RIT2: variants seen among roughly 807,000 people sequenced by gnomAD.
The protein encoded by RIT2 is GTP-binding protein Rit2.
In RIT2, 24 loss-of-function variants were observed where a neutral mutation model predicts 23.7. The ratio of observed to expected loss-of-function variants is 1.01; its 90% confidence interval spans 0.73 to 1.43. The LOEUF (loss-of-function observed/expected upper bound fraction) is 1.43, where lower values mean the gene tolerates loss of function less well. RIT2 is among the 40% of genes most tolerant of loss of function. The pLI is 0.00. For synonymous variants in RIT2, 107 were observed against 91.1 expected, an observed-to-expected ratio of 1.17 and a Z score of -0.99; for missense variants, 236 against 266.9, an observed-to-expected ratio of 0.88 and a Z score of 0.81.
At chr18:42,995,395 T>C (rs1910957300) in intron 2 of RIT2, among the ~76,000 whole-genome samples, 1 of 152,060 alleles carries the variant, frequency 6.6e-6, no homozygotes, top group Admixed American at 6.6e-5. Flanking sequence ...GGTAGACACT[T>C]TCACTGCATA....
intron 3 of RIT2, among the ~76,000 whole-genome samples, chr18:42,944,819 T>G (rs929039464): frequency 2.0e-5 from 3 of 152,104 alleles, no homozygotes; most frequent in African/African-American, 4.8e-5. Flanking sequence ...TACTCAAAGA[T>G]TCTACTTAAG....
intron 4 of RIT2, among the ~76,000 whole-genome samples, chr18:42,747,837 G>A (rs187430600): frequency 2.3e-4 from 35 of 152,112 alleles, no homozygotes; most frequent in African/African-American, 7.2e-4. Context: ...CAAGCCACAC[G>A]TAGAAGAATG....
At chr18:42,920,101 A>G (rs669898) in intron 4 of RIT2, among the ~76,000 whole-genome samples, 69,895 of 151,936 alleles carry the variant, frequency 0.46, 18,169 homozygotes, top group East Asian at 0.94. Flanking sequence ...CTACTGGCTT[A>G]TCCATGGCCT....
chr18:42,846,928 T>C (rs1386033325), intron 4 of RIT2, among the ~76,000 whole-genome samples: 7 of 152,254 alleles, frequency 4.6e-5, no homozygotes, highest in Admixed American at 1.3e-4. Context: ...GAACACTTGG[T>C]ATCTTGAACT....
intron 4 of RIT2, among the ~76,000 whole-genome samples, chr18:42,909,011 A>G (rs560189078): frequency 1.3e-5 from 2 of 152,306 alleles, no homozygotes; most frequent in East Asian, 1.9e-4. Flanking sequence ...TGTATGAAAA[A>G]GACACACATC....
chr18:43,106,320 A>G (rs1913821143), intron 1 of RIT2, among the ~76,000 whole-genome samples: 1 of 152,226 alleles, frequency 6.6e-6, no homozygotes, highest in South Asian at 2.1e-4. Context: ...ATTTTAAAGC[A>G]TATTAAGAGG....
chr18:43,003,017 A>T (rs1415865400), intron 2 of RIT2, among the ~76,000 whole-genome samples: 5 of 151,928 alleles, frequency 3.3e-5, no homozygotes, highest in African/African-American at 1.2e-4. Flanking sequence ...TAGGGAAAAA[A>T]GCAAGGCATG....
chr18:42,800,705 A>AT (rs1266397785), intron 4 of RIT2, among the ~76,000 whole-genome samples: 5 of 151,014 alleles, frequency 3.3e-5, no homozygotes, highest in Admixed American at 6.6e-5. Flanking sequence ...AATTTTTTGT[A>AT]TTTTTTTAGT....
chr18:42,988,214 T>A (rs1278103607), intron 2 of RIT2, among the ~76,000 whole-genome samples: 1 of 152,004 alleles, frequency 6.6e-6, no homozygotes, highest in East Asian at 1.9e-4. Context: ...TATACTTTAC[T>A]TTAAAAAAAA....
At chr18:42,773,780 A>T (rs1428697560) in intron 4 of RIT2, among the ~76,000 whole-genome samples, 1 of 152,232 alleles carries the variant, frequency 6.6e-6, no homozygotes, top group Non-Finnish European at 1.5e-5. Context: ...AAGGATCCTC[A>T]GGAGATAATA....
chr18:43,103,654 G>A (rs1230391334), intron 1 of RIT2, among the ~76,000 whole-genome samples: 4 of 152,198 alleles, frequency 2.6e-5, no homozygotes, highest in Non-Finnish European at 5.9e-5. Flanking sequence ...CGAACAAATT[G>A]AGGGAAAGGA....
intron 4 of RIT2, among the ~76,000 whole-genome samples, chr18:42,858,584 G>A (rs139324770): frequency 7.9e-5 from 12 of 152,286 alleles, no homozygotes; most frequent in East Asian, 1.9e-4. Flanking sequence ...CCCACTTAAA[G>A]TATAAAGCTC....
rs551030580 is a variant in RIT2, at chr18:42,806,372, G to A, written c.427-62652C>T. 3.9e-5 allele frequency among the ~76,000 whole-genome samples: 6 copies of A among 152,038 alleles called. No homozygotes were observed. In the East Asian group the frequency reaches 1.2e-3, roughly 29 times the overall value. On this transcript the variant is annotated intron_variant, in intron 4 of 4. Coordinates refer to ENST00000326695, the MANE Select transcript of RIT2 (RefSeq NM_002930.4). ...TAATCCCAGCTACTTGGGAGGATGA[G>A]GCAGGAGAATCACTTGAATCCGGGA...
intron 4 of RIT2, among the ~76,000 whole-genome samples, chr18:42,792,766 T>C (rs1914072216): frequency 6.6e-6 from 1 of 152,194 alleles, no homozygotes; most frequent in Non-Finnish European, 1.5e-5. Flanking sequence ...GTTGACTTTT[T>C]TGTGTAACCA....
At chr18:43,022,926 GAA>G (rs985389584) in intron 2 of RIT2, among the ~76,000 whole-genome samples, 3 of 152,060 alleles carry the variant, frequency 2.0e-5, no homozygotes, top group African/African-American at 7.2e-5. Context: ...TGAATGCTGA[GAA>G]AAGAGTGTTT....
intron 2 of RIT2, among the ~76,000 whole-genome samples, chr18:43,015,816 G>T (rs1911461891): frequency 1.3e-5 from 2 of 151,678 alleles, no homozygotes; most frequent in Non-Finnish European, 3.0e-5. Flanking sequence ...CACCAGTATT[G>T]GTTACCTCTT....
intron 4 of RIT2, among the ~76,000 whole-genome samples, chr18:42,918,045 C>T (rs537423404): frequency 6.6e-6 from 1 of 152,062 alleles, no homozygotes; most frequent in Admixed American, 6.6e-5. Context: ...TTCCTAGTAC[C>T]ATTTTTGCAT....
At chr18:43,045,218 C>G (rs1912218624) in intron 1 of RIT2, among the ~76,000 whole-genome samples, 1 of 152,138 alleles carries the variant, frequency 6.6e-6, no homozygotes, top group East Asian at 1.9e-4. Flanking sequence ...AGCATAATAA[C>G]TAATGGAGAC....
chr18:43,090,247 G>A (rs62090494), intron 1 of RIT2, among the ~76,000 whole-genome samples: 13,690 of 152,178 alleles, frequency 0.09, 699 homozygotes, highest in East Asian at 0.18. Context: ...AGATGTACAT[G>A]TGGCCAACAA....
Sources: allele counts gnomAD v4.1 joint callset (sites outside exome capture counted in the v4.1 genomes callset), GRCh38; gene constraint gnomAD v4.1.1; transcripts MANE v1.5; gene names NCBI Gene and HGNC (gene_info 2026-07-23, HGNC 2026-07-21).